Variants in PRKG1 observed in about 807,000 individuals in gnomAD.
The protein encoded by PRKG1 is cGMP-dependent protein kinase 1.
A neutral mutation model predicts 88.1 loss-of-function variants in PRKG1; 35 were observed. That is an observed-to-expected ratio of 0.40 (90% CI 0.30 to 0.53). The LOEUF is 0.53. PRKG1 is among the 20% of genes least tolerant of loss of function. The pLI, the probability that PRKG1 is intolerant of heterozygous loss-of-function variation, is 0.59. For synonymous variants in PRKG1, 303 were observed against 292.5 expected, an observed-to-expected ratio of 1.04 and a Z score of -0.37; for missense variants, 540 against 839.8, an observed-to-expected ratio of 0.64 and a Z score of 4.41.
chr10:52,125,587 G>T (rs533661655), intron 7 of PRKG1: 32 of 152,206 alleles, frequency 2.1e-4, no homozygotes, highest in African/African-American at 7.2e-4. Context: ...ATTGGAACAC[G>T]TTTCTGTTTG....
intron 3 of PRKG1, among the ~76,000 whole-genome samples, chr10:51,802,475 T>G (rs1230920205): frequency 6.6e-6 from 1 of 152,182 alleles, no homozygotes; most frequent in Admixed American, 6.6e-5. Flanking sequence ...TAATGAAATC[T>G]GATACATTCA....
chr10:51,487,622 A>C (rs949996410), intron 3 of PRKG1, among the ~76,000 whole-genome samples: 8 of 149,042 alleles, frequency 5.4e-5, no homozygotes, highest in Non-Finnish European at 8.9e-5. Flanking sequence ...AATACAGAAA[A>C]AGAGAAGGAA....
At position 52,073,629 on chromosome 10, in the gene PRKG1, G is replaced by A. The variant is rs575970736; in HGVS notation, c.935+10998G>A. The stretch of plus-strand genomic sequence containing the variant: ...TGAACTTACAACAATCTCCAAATGA[G>A]ATATTAGAACCTGGAAGTCCAGCAC... On this transcript the variant is annotated intron_variant, in intron 7 of 17. Coordinates refer to ENST00000373980, the MANE Select transcript of PRKG1 (RefSeq NM_006258.4). Among the ~76,000 whole-genome samples the A allele has an allele frequency of 3.9e-5, 6 of 152,274 alleles. No homozygotes were observed. The South Asian group carries it at 1.2e-3, about 32-fold the overall frequency.
intron 7 of PRKG1, among the ~76,000 whole-genome samples, chr10:52,063,487 G>C (rs1225284579): frequency 2.0e-5 from 3 of 152,226 alleles, no homozygotes. Flanking sequence ...TTCTCTCCTT[G>C]TCTTCACTTA....
intron 4 of PRKG1, among the ~76,000 whole-genome samples, chr10:51,875,765 T>A (rs1841282302): frequency 6.6e-6 from 1 of 152,228 alleles, no homozygotes; most frequent in South Asian, 2.1e-4. Context: ...AAGGATATCA[T>A]GTTTCACAAC....
intron 4 of PRKG1, among the ~76,000 whole-genome samples, chr10:51,881,259 A>T (rs1841431510): frequency 6.6e-6 from 1 of 152,208 alleles, no homozygotes; most frequent in Admixed American, 6.5e-5. Context: ...CTACTGAGGT[A>T]TAACAAGCTA....
At chr10:51,846,990 A>G (rs569686915) in intron 4 of PRKG1, among the ~76,000 whole-genome samples, 1 of 152,196 alleles carries the variant, frequency 6.6e-6, no homozygotes, top group Non-Finnish European at 1.5e-5. Flanking sequence ...CTTTAAAAAA[A>G]TAAAGTAGAT....
At chr10:51,410,367 G>A (rs1177740608) in intron 2 of PRKG1, among the ~76,000 whole-genome samples, 2 of 151,704 alleles carry the variant, frequency 1.3e-5, no homozygotes, top group Non-Finnish European at 1.5e-5. Context: ...TGAGGAGCAA[G>A]GAGAGCCACT....
At chr10:51,848,653 G>T (rs189557117) in intron 4 of PRKG1, among the ~76,000 whole-genome samples, 1 of 151,780 alleles carries the variant, frequency 6.6e-6, no homozygotes, top group East Asian at 1.9e-4. Context: ...GTGTGTGTGT[G>T]TGTGTGTGTG....
At chr10:51,009,264 T>C (rs1842968205) in intron 1 of PRKG1, among the ~76,000 whole-genome samples, 1 of 152,218 alleles carries the variant, frequency 6.6e-6, no homozygotes, top group Admixed American at 6.5e-5. Flanking sequence ...TAGATTTTCT[T>C]TGGTGTATTT....
chr10:51,839,104 A>G (rs964832142), intron 4 of PRKG1, among the ~76,000 whole-genome samples: 4 of 152,206 alleles, frequency 2.6e-5, no homozygotes, highest in African/African-American at 7.2e-5. Flanking sequence ...ACATTTCAGG[A>G]CTGCCCCCTT....
chr10:51,596,400 T>C (rs959957841), intron 3 of PRKG1, among the ~76,000 whole-genome samples: 9 of 152,194 alleles, frequency 5.9e-5, no homozygotes, highest in African/African-American at 2.2e-4. Flanking sequence ...TTACAGTCCA[T>C]TGAAACCCAT....
At chr10:51,777,935 T>G (rs1026140228) in intron 3 of PRKG1, among the ~76,000 whole-genome samples, 3 of 152,208 alleles carry the variant, frequency 2.0e-5, no homozygotes, top group Admixed American at 6.5e-5. Context: ...TTTCATGGCA[T>G]GATAGCTCAT....
At chr10:51,228,593 A>T (rs985282451) in intron 2 of PRKG1, among the ~76,000 whole-genome samples, 2 of 151,718 alleles carry the variant, frequency 1.3e-5, no homozygotes, top group African/African-American at 4.8e-5. Flanking sequence ...TATGGGAGAA[A>T]GAGAGAGAGA....
chr10:51,032,017 A>G (rs189249908), intron 1 of PRKG1, among the ~76,000 whole-genome samples: 54 of 152,328 alleles, frequency 3.5e-4, no homozygotes, highest in African/African-American at 8.2e-4. Flanking sequence ...TCTGTATAGG[A>G]AAAACATTAA....
At chr10:50,992,910 C>T (rs1289484967) in intron 1 of PRKG1, among the ~76,000 whole-genome samples, 1 of 152,108 alleles carries the variant, frequency 6.6e-6, no homozygotes, top group African/African-American at 2.4e-5. Flanking sequence ...TTAATCTTTC[C>T]CTCTTCTTAG....
intron 3 of PRKG1, among the ~76,000 whole-genome samples, chr10:51,506,455 A>G (rs1841207749): frequency 6.6e-6 from 1 of 152,190 alleles, no homozygotes; most frequent in South Asian, 2.1e-4. Context: ...AAACAGATTT[A>G]CAAGAAGAAA....
chr10:51,563,660 G>A (rs1296821254), intron 3 of PRKG1, among the ~76,000 whole-genome samples: 2 of 152,124 alleles, frequency 1.3e-5, no homozygotes, highest in African/African-American at 4.8e-5. Flanking sequence ...ATGTATAGTA[G>A]TAATTTATGT....
intron 7 of PRKG1, among the ~76,000 whole-genome samples, chr10:52,116,759 G>A (rs1847696784): frequency 6.6e-6 from 1 of 152,132 alleles, no homozygotes; most frequent in Admixed American, 6.6e-5. Flanking sequence ...ATGTCAGACA[G>A]TGATCCAGGT....
Sources: gnomAD v4.1 joint callset for allele counts (sites outside exome capture counted in the v4.1 genomes callset) on GRCh38, gnomAD v4.1.1 for gene constraint, MANE v1.5 for transcripts, NCBI Gene and HGNC (gene_info 2026-07-23, HGNC 2026-07-21) for gene names.